The following CENPK variants were observed in gnomAD, a reference collection of about 807,000 sequenced individuals.
CENPK encodes the protein SoxLZ/Sox6-binding protein Solt.
In CENPK, 46 loss-of-function variants were observed where a neutral mutation model predicts 40.9. That is an observed-to-expected ratio of 1.13 (90% CI 0.89 to 1.44). CENPK has a LOEUF of 1.44. Ranked by LOEUF, CENPK falls within the 40% of genes most tolerant of loss-of-function variation. The pLI is 0.00. For missense variants in CENPK, 288 were observed against 303.5 expected, an observed-to-expected ratio of 0.95 and a Z score of 0.38; for synonymous variants, 107 against 104.4, an observed-to-expected ratio of 1.02 and a Z score of -0.15.
chr5:65,496,235 G>A, the CENPK span, among the ~76,000 whole-genome samples: 2 of 150,332 alleles, frequency 1.3e-5, no homozygotes, highest in Non-Finnish European at 3.0e-5. Context: ...TCCAGCCTGG[G>A]CTATAGAGAC....
chr5:65,525,271 A>T (rs975244992), intron 9 of CENPK, among the ~76,000 whole-genome samples: 15 of 152,170 alleles, frequency 9.9e-5, no homozygotes, highest in African/African-American at 3.6e-4. Flanking sequence ...AGGCTGAGGC[A>T]GGAGAATCAC....
rs869192025 is a variant in CENPK, at chr5:65,545,324, G to GCA, written c.242-2478_242-2477dup. 6.9e-3 allele frequency among the ~76,000 whole-genome samples: 447 copies of GCA among 64,346 alleles called. 4 individuals carry two copies. The highest frequency in any genetic ancestry group is 0.019 in the East Asian group (15 of 794). The allele number at this position is 64,346 out of a possible 152,430, so 42.2% of individuals were successfully genotyped here. A position where few individuals can be genotyped will look rare whatever the true frequency, so the allele number is the denominator to read the frequency against. ...GACAAAGAAAAAGTCCTCAAAGCGC[G>GCA]CACACACACACACACACACACACAC... is the stretch of plus-strand genomic sequence containing the variant. On this transcript the variant is annotated intron_variant, in intron 5 of 10. Coordinates refer to ENST00000396679, the MANE Select transcript of CENPK (RefSeq NM_022145.5).
At chr5:65,561,869 T>C (rs927529462) in intron 1 of CENPK, among the ~76,000 whole-genome samples, 1 of 152,238 alleles carries the variant, frequency 6.6e-6, no homozygotes, top group South Asian at 2.1e-4. Flanking sequence ...CATTCATTTA[T>C]TCAACAAATA....
chr5:65,504,178 A>G, the CENPK span, among the ~76,000 whole-genome samples: 61,429 of 151,246 alleles, frequency 0.41, 12,824 homozygotes, highest in East Asian at 0.65. Context: ...AAACCTGGCC[A>G]GGCGCAGTGG....
At chr5:65,520,711 A>G (rs951623444) in intron 10 of CENPK, among the ~76,000 whole-genome samples, 3 of 152,208 alleles carry the variant, frequency 2.0e-5, no homozygotes, top group Middle Eastern at 3.2e-3. Flanking sequence ...TTTAACACCT[A>G]GTTCATTAAG....
chr5:65,527,055 C>T lies in CENPK; in HGVS notation c.597+1397G>A, dbSNP rs143851123. On this transcript the variant is annotated intron_variant, in intron 9 of 10. Transcript: ENST00000396679. ...GAGGTTGCAGTGAGCGGAGATCATG[C>T]CATTGCACTCCAGCCTGGGTGACAG... is the stretch of plus-strand genomic sequence containing the variant. Among the ~76,000 whole-genome samples the T allele has an allele frequency of 3.4e-3, 511 of 152,096 alleles. 4 individuals carry two copies. Among genetic ancestry groups the T allele is most frequent in the African/African-American group, 0.012 (491 of 41,466 alleles).
chr5:65,563,147 C>A lies in CENPK; in HGVS notation c.-191G>T. ...TCGCCTAGGCGCTGCGCAGGAAGCG[C>A]TTGCCAGCCCCGGACTTCTGCGCGC... On this transcript the variant is annotated 5_prime_UTR_variant, in exon 1 of 11. Transcript: ENST00000396679. The A allele has an allele frequency of 1.1e-6, 1 of 891,422 alleles. No homozygotes were observed. The highest frequency in any genetic ancestry group is 1.7e-6 in the Non-Finnish European group (1 of 601,292). 55.2% of individuals were successfully genotyped at this position (891,422 alleles called of 1,614,324 possible).
chr5:65,551,609 A>T lies in CENPK; in HGVS notation c.196T>A (p.Cys66Ser). 6.3e-7 allele frequency: 1 copy of T among 1,579,714 alleles called. No homozygotes were observed. The highest frequency in any genetic ancestry group is 8.6e-7 in the Non-Finnish European group (1 of 1,160,038). The change falls in exon 5 of 11, where the codon TGT becomes AGT. Residue 66 changes from cysteine (C) to serine (S), a missense_variant. Cys to Ser is a moderately radical substitution (Grantham distance 112). Transcript: ENST00000396679. ...CATTGACTGAGTTCAGCGGTTAAAC[A>T]TTTTACTTGCATAATTAACAATGAT... ...QLSLLIMQVK[C>S]LTAELSQWQK...
At chr5:65,551,516 G>T in intron 5 of CENPK, 48 bp downstream of exon 5, 1 of 957,310 alleles carries the variant, frequency 1.0e-6, no homozygotes, top group Non-Finnish European at 1.5e-6. Context: ...AAATTAATTT[G>T]CTATTAATAG....
intron 5 of CENPK, chr5:65,551,183 G>A (rs1274140360): frequency 3.7e-5 from 15 of 407,758 alleles, no homozygotes; most frequent in Admixed American, 2.5e-4. Flanking sequence ...CCGGGAGATC[G>A]GGGCTGCAAT....
At chr5:65,543,175 G>A (rs1283952695) in intron 5 of CENPK, among the ~76,000 whole-genome samples, 1 of 152,166 alleles carries the variant, frequency 6.6e-6, no homozygotes, top group Non-Finnish European at 1.5e-5. Context: ...TGTTGGCCAA[G>A]CCAGTCTTGA....
At chr5:65,539,317 A>G (rs1747528256) in intron 6 of CENPK, among the ~76,000 whole-genome samples, 1 of 152,232 alleles carries the variant, frequency 6.6e-6, no homozygotes, top group African/African-American at 2.4e-5. Flanking sequence ...TTTAAATTAA[A>G]TGAATAAAAT....
intron 5 of CENPK, among the ~76,000 whole-genome samples, chr5:65,547,868 G>C (rs1282197042): frequency 2.0e-5 from 3 of 152,132 alleles, no homozygotes; most frequent in Non-Finnish European, 2.9e-5. Flanking sequence ...GTTTCACCGT[G>C]TTAGCCAGGA....
At chr5:65,524,426 G>A (rs559111043) in intron 9 of CENPK, among the ~76,000 whole-genome samples, 5 of 143,318 alleles carry the variant, frequency 3.5e-5, no homozygotes, top group East Asian at 4.1e-4. Context: ...TGAGTCGGGC[G>A]GATCATAAGG....
chr5:65,534,147 A>G (rs1746450115), intron 6 of CENPK, among the ~76,000 whole-genome samples: 1 of 152,096 alleles, frequency 6.6e-6, no homozygotes, highest in African/African-American at 2.4e-5. Flanking sequence ...GATGAACTTG[A>G]CAAAAGATGT....
rs533004361 is a variant in CENPK, at chr5:65,525,430, C to G, written c.597+3022G>C. 3.3e-5 allele frequency among the ~76,000 whole-genome samples: 5 copies of G among 152,094 alleles called. No homozygotes were observed. The South Asian group carries it at 1.0e-3, about 32-fold the overall frequency. ...CATTTACAAAATTACATTGATCCAG[C>G]CATCCATCAATCCATCTATTTATGG... is the stretch of plus-strand genomic sequence containing the variant. On this transcript the variant is annotated intron_variant, in intron 9 of 10. Transcript: ENST00000396679.
At chr5:65,497,402 C>G in the CENPK span, among the ~76,000 whole-genome samples, 10 of 152,118 alleles carry the variant, frequency 6.6e-5, no homozygotes, top group Middle Eastern at 3.4e-3. Context: ...TCCTCACGGG[C>G]TGTTAGAAGC....
chr5:65,521,182 C>T (rs935191458), intron 10 of CENPK, among the ~76,000 whole-genome samples: 3 of 151,824 alleles, frequency 2.0e-5, no homozygotes, highest in African/African-American at 4.8e-5. Context: ...AATTTTTTCA[C>T]CCTGTCAGCT....
chr5:65,549,103 G>A (rs1038060758), intron 5 of CENPK, among the ~76,000 whole-genome samples: 2 of 152,164 alleles, frequency 1.3e-5, no homozygotes, highest in Admixed American at 6.5e-5. Flanking sequence ...CTGGGCGGCA[G>A]AACAGATGTT....
Sources: gnomAD v4.1 joint callset for allele counts (sites outside exome capture counted in the v4.1 genomes callset) on GRCh38, gnomAD v4.1.1 for gene constraint, MANE v1.5 for transcripts, NCBI Gene and HGNC (gene_info 2026-07-23, HGNC 2026-07-21) for gene names.